The following DNMT1 variants were observed in gnomAD, a reference collection of about 807,000 sequenced individuals.
DNMT1 encodes the protein DNA (cytosine-5)-methyltransferase 1.
Under a neutral mutation model 205.3 loss-of-function variants are expected in DNMT1, and 24 were observed. That is an observed-to-expected ratio of 0.12 (90% confidence interval 0.08 to 0.16). DNMT1 has a LOEUF of 0.16. Among genes scored for constraint, DNMT1 ranks in the 10% least tolerant of loss-of-function variants. The pLI, the probability that DNMT1 is intolerant of heterozygous loss-of-function variation, is 1.00. For synonymous variants in DNMT1, 817 were observed against 839.8 expected (o/e 0.97, Z 0.47); for missense variants, 1,293 against 2,177.7 (o/e 0.59, Z 8.09).
At chr19:10,158,805 C>A (rs760869960) in intron 17 of DNMT1, among the ~76,000 whole-genome samples, 33 of 152,232 alleles carry the variant, frequency 2.2e-4, no homozygotes, top group Non-Finnish European at 3.5e-4. Flanking sequence ...ACAGCTGGCA[C>A]AGGCCCCTCC....
chr19:10,175,740 G>T, intron 6 of DNMT1, 122 bp from the exon 7 acceptor site: 1 of 948,534 alleles, frequency 1.1e-6, no homozygotes, highest in Non-Finnish European at 1.7e-6. Context: ...TTCTCTGAAT[G>T]ACGGGTTTAG....
chr19:10,172,356 A>G (rs1333569883), intron 9 of DNMT1, among the ~76,000 whole-genome samples: 1 of 151,238 alleles, frequency 6.6e-6, no homozygotes. Flanking sequence ...CGGTGAGACA[A>G]GATCACACCA....
In DNMT1 at chr19:10,194,807, C is replaced by T. The variant is rs755725124; in HGVS notation, c.80+13G>A. ...TGTCCCCCTGAGTCCGTGTTCCCCC[C>T]CATGGTACCTACCGCCTGCGGACAT... On this transcript the variant is annotated intron_variant, in intron 1 of 40. Transcript: ENST00000359526. The T allele has an allele frequency of 8.7e-6, 14 of 1,611,636 alleles. No homozygotes were observed. In the Middle Eastern group the frequency reaches 9.9e-4, roughly 114 times the overall value.
Position 10,137,726 on chromosome 19 carries a change from TG to T in DNMT1, c.4293+105del. The stretch of plus-strand genomic sequence containing the variant: ...GGCTGAGGACTCGGGAGGAGGAGCC[TG>T]GGATCAGATTCCATGTCTCCCCTGA... On this transcript the variant is annotated intron_variant, in intron 36 of 40. Coordinates refer to ENST00000359526, the MANE Select transcript of DNMT1 (RefSeq NM_001130823.3). The surrounding 1 kb of genome is among the most constrained non-coding windows in gnomAD (Gnocchi z 6.4). 1 of 1,453,362 alleles carries T rather than the reference TG, an allele frequency of 6.9e-7. No individual in the cohort carries two copies. Among genetic ancestry groups the T allele is most frequent in the South Asian group, 1.2e-5 (1 of 82,286 alleles). 90.0% of individuals were successfully genotyped at this position (1,453,362 alleles called of 1,614,324 possible).
In DNMT1 at chr19:10,156,571, C is replaced by A. The variant is rs1243085129; in HGVS notation, c.1281-62G>T. On this transcript the variant is annotated intron_variant, in intron 17 of 40. Coordinates refer to ENST00000359526, the MANE Select transcript of DNMT1 (RefSeq NM_001130823.3). The surrounding 1 kb of genome is among the most constrained non-coding windows in gnomAD (Gnocchi z 4.2). Reference sequence around the variant, plus strand: ...CCGTGAAGGCGGGTCTTCGTGCAGACTTCAGATCAGGCACGAGGCAATGAG... The same window carrying A: ...CCGTGAAGGCGGGTCTTCGTGCAGAATTCAGATCAGGCACGAGGCAATGAG... The A allele has an allele frequency of 3.2e-6, 4 of 1,234,082 alleles. No individual in the cohort carries two copies. 76.4% of individuals were successfully genotyped at this position (1,234,082 alleles called of 1,614,324 possible).
In DNMT1 at chr19:10,180,385, G is replaced by C. The variant is rs377146699; in HGVS notation, c.410C>G (p.Thr137Arg). ...TCCATCGGACTTGCTCCTCCTGGGC[G>C]TGCGAGGTTTGGAAAGGGGTTTGGG... The part of the protein sequence containing the change: ...SPPKPLSKPR[T>R]PRRSKSDGEA... The change falls in exon 4 of 41, where the codon ACG becomes AGG. Residue 137 changes from threonine (T) to arginine (R), a missense_variant. By Grantham distance (71) the Thr-to-Arg change is moderately conservative. This residue lies in a region of DNMT1 where 394 missense variants were observed against 451.6 expected (regional missense o/e 0.87). Coordinates refer to ENST00000359526, the MANE Select transcript of DNMT1 (RefSeq NM_001130823.3). The C allele has an allele frequency of 2.0e-5, 33 of 1,613,560 alleles. No individual in the cohort carries two copies. The East Asian group carries it at 3.3e-4, about 16-fold the overall frequency.
chr19:10,159,911 G>T lies in DNMT1; in HGVS notation c.1101C>A (p.Pro367=), dbSNP rs753317712. Residue 367 remains proline (P), a synonymous_variant, in exon 16 of 41, where the codon CCC becomes CCA. Coordinates refer to ENST00000359526, the MANE Select transcript of DNMT1 (RefSeq NM_001130823.3). The surrounding 1 kb of genome is among the most constrained non-coding windows in gnomAD (Gnocchi z 5.0). ...KTVMNSKTHP[P]KCIQCGQYLD... is the part of the protein sequence containing the mutation. ...GGTACTGCCCGCACTGAATGCACTTGGGAGGGTGGGTCTGTGGGAGCAGGA... is the reference window on the plus strand; with the variant it reads ...GGTACTGCCCGCACTGAATGCACTTTGGAGGGTGGGTCTGTGGGAGCAGGA... 1.5e-5 allele frequency: 25 copies of T among 1,614,076 alleles called. No homozygotes were observed. In the Admixed American group the frequency reaches 4.2e-4, roughly 27 times the overall value.
rs1330899035 is a variant in DNMT1 at position 10,149,902 on chromosome 19, A to C, written c.2332T>G (p.Cys778Gly). Residue 778 changes from cysteine (C) to glycine (G), a missense_variant, in exon 25 of 41, where the codon TGT becomes GGT. By Grantham distance (159) the Cys-to-Gly change is radical. Coordinates refer to ENST00000359526, the MANE Select transcript of DNMT1 (RefSeq NM_001130823.3). ...GAATCATCTGGAATAACAGAGACAC[A>C]GTCCCCCACTTCCAGGGTTTCCGCA... is the stretch of plus-strand genomic sequence containing the variant. ...IDAETLEVGD[C>G]VSVIPDDSSK... is the part of the protein sequence containing the mutation. 1 of 1,614,102 alleles carries C rather than the reference A, an allele frequency of 6.2e-7. No individual in the cohort carries two copies. The highest frequency in any genetic ancestry group is 1.3e-5 in the African/African-American group (1 of 74,938).
chr19:10,148,996 G>A lies in DNMT1; in HGVS notation c.2608C>T (p.Leu870=), dbSNP rs2038270681. Reference sequence around the variant, plus strand: ...GTCTTCCCGTCGTCCCCCTCCAGCAGGGACTCGGGATCCATGCCTCCCTTG... The same window carrying A: ...GTCTTCCCGTCGTCCCCCTCCAGCAAGGACTCGGGATCCATGCCTCCCTTG... ...AMEGGMDPES[L]LEGDDGKTYF... The change falls in exon 27 of 41, where the codon CTG becomes TTG. Residue 870 remains leucine, a synonymous_variant. Coordinates refer to ENST00000359526, the MANE Select transcript of DNMT1 (RefSeq NM_001130823.3). The A allele has an allele frequency of 6.2e-7, 1 of 1,613,986 alleles. No homozygotes were observed. Among genetic ancestry groups the A allele is most frequent in the South Asian group, 1.1e-5 (1 of 91,078 alleles).
intron 6 of DNMT1, among the ~76,000 whole-genome samples, chr19:10,176,099 T>A (rs1417108810): frequency 6.7e-6 from 1 of 149,196 alleles, no homozygotes; most frequent in African/African-American, 2.5e-5. Context: ...ACCTGGGAGG[T>A]GGAGGTTGCA....
At chr19:10,169,626 C>T (rs1345327945) in intron 9 of DNMT1, among the ~76,000 whole-genome samples, 1 of 151,528 alleles carries the variant, frequency 6.6e-6, no homozygotes, top group Non-Finnish European at 1.5e-5. Context: ...ATTAGCCTGG[C>T]GTGGTAGCAG....
chr19:10,178,890 G>T (rs1218129493), intron 5 of DNMT1, among the ~76,000 whole-genome samples: 1 of 152,108 alleles, frequency 6.6e-6, no homozygotes, highest in Non-Finnish European at 1.5e-5. Flanking sequence ...ACTTTGGGAG[G>T]CCGAGGCGGG....
chr19:10,182,375 A>G (rs535183267), intron 1 of DNMT1, among the ~76,000 whole-genome samples: 14 of 144,284 alleles, frequency 9.7e-5, no homozygotes, highest in African/African-American at 2.8e-4. Flanking sequence ...GTGTGTGTGT[A>G]TATATATACA....
intron 24 of DNMT1, among the ~76,000 whole-genome samples, chr19:10,150,671 C>T (rs1439088698): frequency 6.6e-6 from 1 of 152,238 alleles, no homozygotes; most frequent in Admixed American, 6.5e-5. Flanking sequence ...ACTCCTCTCT[C>T]TCACACTGTG....
At position 10,175,627 on chromosome 19, in the gene DNMT1, C is replaced by T. The variant is rs1489088330; in HGVS notation, c.570-9G>A. 1.4e-5 allele frequency: 22 copies of T among 1,614,018 alleles called. No homozygotes were observed. Among genetic ancestry groups the T allele is most frequent in the Non-Finnish European group, 1.9e-5 (22 of 1,179,902 alleles). On this transcript the variant is annotated splice_polypyrimidine_tract_variant and intron_variant, in intron 6 of 40. Coordinates refer to ENST00000359526, the MANE Select transcript of DNMT1 (RefSeq NM_001130823.3). ...GTTTCCGTTTGGCAGGGCTGTCACA[C>T]ACAGTGAGGCCAACCATTAGTGGAA... is the stretch of plus-strand genomic sequence containing the variant.
chr19:10,175,380 G>C (rs1183206940), intron 7 of DNMT1, among the ~76,000 whole-genome samples, 160 bp downstream of exon 7: 1 of 152,052 alleles, frequency 6.6e-6, no homozygotes, highest in African/African-American at 2.4e-5. Context: ...ACCTATAGCT[G>C]TATACACACA....
chr19:10,137,833 T>G lies in DNMT1; in HGVS notation c.4292A>C (p.Lys1431Thr). 1 of 1,612,958 alleles carries G rather than the reference T, an allele frequency of 6.2e-7. No individual in the cohort carries two copies. Among genetic ancestry groups the G allele is most frequent in the Non-Finnish European group, 8.5e-7 (1 of 1,179,784 alleles). Reference sequence around the variant, plus strand: ...GCCGCTCTGTCAGGGTGCCATTACCTTACAGATGTGGTCCCTGAGGATGGG... The same window carrying G: ...GCCGCTCTGTCAGGGTGCCATTACCGTACAGATGTGGTCCCTGAGGATGGG... ...YQPILRDHIC[K>T]DMSALVAARM... Residue 1431 changes from lysine to threonine, a missense_variant and splice_region_variant, in exon 36 of 41, where the codon AAG (lysine) becomes ACG (threonine). By Grantham distance (78) the Lys-to-Thr change is moderately conservative (BLOSUM62 -1). Transcript: ENST00000359526. The surrounding 1 kb of genome is among the most constrained non-coding windows in gnomAD (Gnocchi z 6.4).
At chr19:10,182,249 G>A (rs982212916) in intron 1 of DNMT1, among the ~76,000 whole-genome samples, 172 bp from the exon 2 acceptor site, 3 of 151,956 alleles carry the variant, frequency 2.0e-5, no homozygotes, top group Admixed American at 6.6e-5. Flanking sequence ...GTGTCCTACT[G>A]GAATGCCTAA....
intron 9 of DNMT1, among the ~76,000 whole-genome samples, chr19:10,169,229 G>C (rs1000955552): frequency 6.6e-6 from 1 of 151,796 alleles, no homozygotes; most frequent in Non-Finnish European, 1.5e-5. Context: ...TGAAGAGATC[G>C]CAAAGGTCAG....
Sources: gnomAD v4.1 joint callset for allele counts (sites outside exome capture counted in the v4.1 genomes callset) on GRCh38, gnomAD v4.1.1 for gene constraint, gnomAD v4.1.1 regional missense constraint, Gnocchi (gnomAD v3.1) non-coding constraint, MANE v1.5 for transcripts, NCBI Gene and HGNC (gene_info 2026-07-23, HGNC 2026-07-21) for gene names.